OSER1: variants seen among roughly 807,000 people sequenced by gnomAD.
The protein encoded by OSER1 is oxidative stress responsive serine rich 1.
A neutral mutation model predicts 26.3 loss-of-function variants in OSER1; 15 were observed. The observed-to-expected ratio is 0.57, with a 90% CI of 0.38 to 0.88. The LOEUF (loss-of-function observed/expected upper bound fraction) is 0.88, where lower values mean the gene tolerates loss of function less well. OSER1 is among the 40% of genes least tolerant of loss of function. OSER1 has a pLI of 0.00. For missense variants in OSER1, 313 were observed against 353.9 expected (o/e 0.88, Z 0.93); for synonymous variants, 127 against 128.2 (o/e 0.99, Z 0.07).
At chr20:44,200,014 T>C (rs918699730) in intron 3 of OSER1, among the ~76,000 whole-genome samples, 5 of 152,248 alleles carry the variant, frequency 3.3e-5, no homozygotes, top group Admixed American at 1.3e-4. Context: ...TTGTGGACAC[T>C]GCTCCAGTGG....
chr20:44,207,178 GA>G, intron 1 of OSER1, 180 bp from the exon 2 acceptor site: 2 of 459,680 alleles, frequency 4.4e-6, no homozygotes, highest in Non-Finnish European at 7.8e-6. Flanking sequence ...ACCAAAAATG[GA>G]TATGTACTAT....
rs939723149 is a variant in OSER1, at chr20:44,196,213, C to G, written c.*839G>C. The stretch of plus-strand genomic sequence containing the variant: ...TGTACAAAATTCTCTTTTAGGGTTG[C>G]TGGGGTGACAGGGCAGCTCAAAGAG... On this transcript the variant is annotated 3_prime_UTR_variant, in exon 4 of 4. Coordinates refer to ENST00000255174, the MANE Select transcript of OSER1 (RefSeq NM_016470.8). Among the ~76,000 whole-genome samples, 1 of 148,542 alleles carries G rather than the reference C, an allele frequency of 6.7e-6. No individual in the cohort carries two copies. The highest frequency in any genetic ancestry group is 2.5e-5 in the African/African-American group (1 of 40,346).
At chr20:44,205,372 T>C (rs989575666) in intron 2 of OSER1, among the ~76,000 whole-genome samples, 2 of 152,162 alleles carry the variant, frequency 1.3e-5, no homozygotes, top group African/African-American at 4.8e-5. Flanking sequence ...AGACAATTTA[T>C]CAAAGTACTG....
At chr20:44,203,714 A>ACACACACACT (rs1241603843) in intron 2 of OSER1, among the ~76,000 whole-genome samples, 3 of 151,776 alleles carry the variant, frequency 2.0e-5, no homozygotes, top group African/African-American at 7.3e-5. Flanking sequence ...ACACACACAC[A>ACACACACACT]CACACACACA....
chr20:44,203,404 G>A (rs970354389), intron 2 of OSER1, among the ~76,000 whole-genome samples: 1 of 152,170 alleles, frequency 6.6e-6, no homozygotes, highest in African/African-American at 2.4e-5. Flanking sequence ...TCTTATGCGG[G>A]CAAACCAGAG....
chr20:44,203,279 C>T (rs1391688797), intron 2 of OSER1, among the ~76,000 whole-genome samples: 7 of 151,642 alleles, frequency 4.6e-5, no homozygotes, highest in Admixed American at 3.3e-4. Context: ...AAATCATAAG[C>T]CAAAGAATGA....
chr20:44,208,731 G>C (rs1488042091), intron 1 of OSER1, among the ~76,000 whole-genome samples: 9 of 152,102 alleles, frequency 5.9e-5, no homozygotes, highest in Non-Finnish European at 1.0e-4. Context: ...CCTGCTGGTA[G>C]AACTAAATTG....
chr20:44,203,140 C>T (rs759345813), intron 2 of OSER1, 66 bp from the exon 3 acceptor site: 23 of 768,970 alleles, frequency 3.0e-5, no homozygotes, highest in Non-Finnish European at 4.9e-5. Flanking sequence ...ATTGTTCTCA[C>T]TAGCTCAAAT....
At chr20:44,207,192 C>G (rs2073046738) in intron 1 of OSER1, 194 bp from the exon 2 acceptor site, 4 of 407,924 alleles carry the variant, frequency 9.8e-6, no homozygotes, top group Non-Finnish European at 1.8e-5. Flanking sequence ...TGTACTATGA[C>G]AGAATATAAA....
In OSER1 at chr20:44,196,920, A is replaced by G. The variant is rs2072924570; in HGVS notation, c.*132T>C. 5 of 643,846 alleles carry G rather than the reference A, an allele frequency of 7.8e-6. No individual in the cohort carries two copies. Among genetic ancestry groups the G allele is most frequent in the Admixed American group, 2.7e-5 (1 of 37,614 alleles). 39.9% of individuals were successfully genotyped at this position (643,846 alleles called of 1,614,324 possible). A position where few individuals can be genotyped will look rare whatever the true frequency, so the allele number is the denominator to read the frequency against. On this transcript the variant is annotated 3_prime_UTR_variant, in exon 4 of 4. Transcript: ENST00000255174. Reference sequence around the variant, plus strand: ...ATGAAGATTAACTGAGATGCCAAGAAAAGTTTTTATTGCAAGCACAGTGAG... The same window carrying G: ...ATGAAGATTAACTGAGATGCCAAGAGAAGTTTTTATTGCAAGCACAGTGAG...
In OSER1 at chr20:44,196,238, G is replaced by A. The variant is rs146368443; in HGVS notation, c.*814C>T. On this transcript the variant is annotated 3_prime_UTR_variant, in exon 4 of 4. Transcript: ENST00000255174. ...CTGGGGTGACAGGGCAGCTCAAAGA[G>A]GTAACCATCTATAACATCTGAAACT... is the stretch of plus-strand genomic sequence containing the variant. Among the ~76,000 whole-genome samples, 214 of 148,372 alleles carry A rather than the reference G, an allele frequency of 1.4e-3. 1 individual carries two copies. Among genetic ancestry groups the A allele is most frequent in the African/African-American group, 5.1e-3 (205 of 40,234 alleles).
Position 44,195,954 on chromosome 20 carries a change from T to A in OSER1, c.*1098A>T, listed in dbSNP as rs1489870017. Among the ~76,000 whole-genome samples, 3 of 152,216 alleles carry A rather than the reference T, an allele frequency of 2.0e-5. No homozygotes were observed. The highest frequency in any genetic ancestry group is 4.8e-5 in the African/African-American group (2 of 41,438). On this transcript the variant is annotated 3_prime_UTR_variant, in exon 4 of 4. Transcript: ENST00000255174. Reference sequence around the variant, plus strand: ...GCCAGCGCAGTTTTAGTAAATAGTATAAATGTATTTTGTAATTTAAACAAA... The same window carrying A: ...GCCAGCGCAGTTTTAGTAAATAGTAAAAATGTATTTTGTAATTTAAACAAA...
chr20:44,197,802 T>C, intron 3 of OSER1, 63 bp from the exon 4 acceptor site: 1 of 1,107,896 alleles, frequency 9.0e-7, no homozygotes, highest in Non-Finnish European at 1.3e-6. Flanking sequence ...AACAGATTCT[T>C]TATGACAGTA....
At chr20:44,209,084 TGCTAAGAG>T (rs1159183085) in intron 1 of OSER1, among the ~76,000 whole-genome samples, 1 of 152,228 alleles carries the variant, frequency 6.6e-6, no homozygotes, top group Non-Finnish European at 1.5e-5. Context: ...TGTAACACTG[TGCTAAGAG>T]GCTCTGAACC....
intron 3 of OSER1, among the ~76,000 whole-genome samples, chr20:44,200,645 C>T (rs2072971702): frequency 6.6e-6 from 1 of 152,116 alleles, no homozygotes; most frequent in Admixed American, 6.5e-5. Flanking sequence ...ATACAGAGAA[C>T]AGAGGACAAG....
At position 44,202,928 on chromosome 20, in the gene OSER1, G is replaced by A. The variant is rs764743068; in HGVS notation, c.191+33C>T. ...GAAAATCCAATACTATTATAATATT[G>A]GAATAAAAATCATCTCAATAAGAAG... On this transcript the variant is annotated intron_variant, in intron 3 of 3. Transcript: ENST00000255174. The A allele has an allele frequency of 3.4e-6, 4 of 1,191,638 alleles. No homozygotes were observed. The African/African-American group carries it at 4.5e-5, about 13-fold the overall frequency. The allele number at this position is 1,191,638 out of a possible 1,614,324, so 73.8% of individuals were successfully genotyped here.
At chr20:44,200,235 G>A (rs545141125) in intron 3 of OSER1, among the ~76,000 whole-genome samples, 1 of 152,202 alleles carries the variant, frequency 6.6e-6, no homozygotes, top group Non-Finnish European at 1.5e-5. Flanking sequence ...ATCTCTGGAG[G>A]AGAAAAGAGC....
At position 44,197,261 on chromosome 20, in the gene OSER1, G is replaced by T. The variant is rs763679386; in HGVS notation, c.670C>A (p.Pro224Thr). The T allele has an allele frequency of 6.2e-7, 1 of 1,612,932 alleles. No individual in the cohort carries two copies. Among genetic ancestry groups the T allele is most frequent in the Non-Finnish European group, 8.5e-7 (1 of 1,179,468 alleles). Reference protein sequence around the residue: ...VYSFSGLQSVPPLAPERRSTL... With the variant: ...VYSFSGLQSVTPLAPERRSTL... ...GATCTTCGTTCTGGAGCCAAGGGAGGGACACTCTGCAGGCCTGAAAAGGAA... is the reference window on the plus strand; with the variant it reads ...GATCTTCGTTCTGGAGCCAAGGGAGTGACACTCTGCAGGCCTGAAAAGGAA... The change falls in exon 4 of 4, where the codon CCT (proline) becomes ACT (threonine). Residue 224 changes from proline (P) to threonine (T), a missense_variant. By Grantham distance (38) the Pro-to-Thr change is conservative. Transcript: ENST00000255174.
intron 1 of OSER1, among the ~76,000 whole-genome samples, 197 bp downstream of exon 1, chr20:44,210,499 G>C (rs982893897): frequency 1.3e-5 from 2 of 152,204 alleles, no homozygotes; most frequent in Non-Finnish European, 2.9e-5. Flanking sequence ...AGAGAGCGTG[G>C]AGCTCGGAGC....
Sources: gnomAD v4.1 joint callset for allele counts (sites outside exome capture counted in the v4.1 genomes callset) on GRCh38, gnomAD v4.1.1 for gene constraint, MANE v1.5 for transcripts, NCBI Gene and HGNC (gene_info 2026-07-23, HGNC 2026-07-21) for gene names.